Variants in FUT8 observed in about 807,000 individuals in gnomAD.
The protein encoded by FUT8 is fucosyltransferase 8, also known as alpha-(1,6)-fucosyltransferase.
FUT8 carries 29 observed loss-of-function variants against 71.3 expected under a neutral mutation model. The observed-to-expected ratio is 0.41, with a 90% CI of 0.30 to 0.55. The LOEUF is 0.55. FUT8 is among the 20% of genes least tolerant of loss of function. The pLI is 0.34. For synonymous variants in FUT8, 254 were observed against 239.3 expected (o/e 1.06, Z -0.57); for missense variants, 544 against 702.1 (o/e 0.77, Z 2.55).
At chr14:65,683,166 A>G (rs1338864331) in intron 7 of FUT8, among the ~76,000 whole-genome samples, 2 of 151,834 alleles carry the variant, frequency 1.3e-5, no homozygotes, top group Non-Finnish European at 1.5e-5. Flanking sequence ...GGCGCCCACC[A>G]TCATGCCTGG....
chr14:65,585,387 A>G (rs1231343266), intron 3 of FUT8, among the ~76,000 whole-genome samples: 1 of 152,032 alleles, frequency 6.6e-6, no homozygotes, highest in Admixed American at 6.6e-5. Context: ...GGATCTTGCC[A>G]TGTTGCTCAG....
At chr14:65,373,684 A>T in the FUT8 span, among the ~76,000 whole-genome samples, 1 of 151,966 alleles carries the variant, frequency 6.6e-6, no homozygotes, top group Non-Finnish European at 1.5e-5. Flanking sequence ...GGGTCAGGGA[A>T]CTCTCCCATT....
At position 65,741,836 on chromosome 14, in the gene FUT8, C is replaced by T. The variant is rs549130150; in HGVS notation, c.1411-257C>T. Among the ~76,000 whole-genome samples the T allele has an allele frequency of 4.6e-5, 7 of 152,008 alleles. No homozygotes were observed. The South Asian group carries it at 1.2e-3, about 27-fold the overall frequency. On this transcript the variant is annotated intron_variant, in intron 10 of 10. Transcript: ENST00000673929. ...ATTCATATTCTTAAATTCTTTTGTA[C>T]TATATAGAGATAGAGAGATTTTAAT...
At chr14:65,458,441 T>A (rs1420246300) in intron 2 of FUT8, among the ~76,000 whole-genome samples, 2 of 140,664 alleles carry the variant, frequency 1.4e-5, no homozygotes, top group African/African-American at 5.4e-5. Context: ...ATGAAAGTGA[T>A]AGAAACTGTC....
intron 2 of FUT8, among the ~76,000 whole-genome samples, chr14:65,506,870 G>T (rs974384431): frequency 3.3e-5 from 5 of 152,100 alleles, no homozygotes. Flanking sequence ...CAGCTGCCGG[G>T]GTCTGCCCAT....
chr14:65,533,436 C>G (rs1884086650), intron 2 of FUT8, among the ~76,000 whole-genome samples: 1 of 152,036 alleles, frequency 6.6e-6, no homozygotes, highest in African/African-American at 2.4e-5. Context: ...GGACTGTTTT[C>G]CTAATTTGGC....
intron 3 of FUT8, among the ~76,000 whole-genome samples, chr14:65,608,007 G>A (rs980574434): frequency 2.0e-5 from 3 of 148,924 alleles, no homozygotes; most frequent in Middle Eastern, 3.6e-3. Flanking sequence ...AGAGGTTGCA[G>A]TGAGCCGAGA....
intron 7 of FUT8, among the ~76,000 whole-genome samples, chr14:65,680,562 C>T (rs1192187999): frequency 1.3e-5 from 2 of 152,178 alleles, no homozygotes; most frequent in Non-Finnish European, 2.9e-5. Flanking sequence ...TCTATCCTTA[C>T]ACTTTAAATT....
chr14:65,714,155 C>G (rs573413456), intron 7 of FUT8, among the ~76,000 whole-genome samples: 1 of 152,140 alleles, frequency 6.6e-6, no homozygotes, highest in Non-Finnish European at 1.5e-5. Flanking sequence ...ATTCTTGGCA[C>G]CTTTGTTGAA....
At chr14:65,470,549 G>A (rs1469784737) in intron 2 of FUT8, among the ~76,000 whole-genome samples, 5 of 152,238 alleles carry the variant, frequency 3.3e-5, no homozygotes, top group Non-Finnish European at 7.4e-5. Context: ...CCGGGGCAGG[G>A]GTGACATCGC....
At chr14:65,452,928 A>G (rs1036602068) in intron 1 of FUT8, among the ~76,000 whole-genome samples, 11 of 152,200 alleles carry the variant, frequency 7.2e-5, no homozygotes, top group Admixed American at 5.2e-4. Flanking sequence ...GAACAGATAT[A>G]TAATAACTTT....
At chr14:65,394,974 C>G in the FUT8 span, among the ~76,000 whole-genome samples, 1 of 152,126 alleles carries the variant, frequency 6.6e-6, no homozygotes, top group South Asian at 2.1e-4. Flanking sequence ...GAATGCCTGA[C>G]CTCATGATCC....
chr14:65,633,148 G>C (rs1890299461), intron 6 of FUT8, among the ~76,000 whole-genome samples: 2 of 152,132 alleles, frequency 1.3e-5, no homozygotes, highest in African/African-American at 4.8e-5. Context: ...CCTGCCGAGT[G>C]CCTGCGATTG....
intron 3 of FUT8, among the ~76,000 whole-genome samples, chr14:65,563,980 G>A (rs1378174561): frequency 6.6e-6 from 1 of 152,004 alleles, no homozygotes; most frequent in African/African-American, 2.4e-5. Flanking sequence ...ATAGGCCCAT[G>A]TTTATATAAG....
intron 1 of FUT8, among the ~76,000 whole-genome samples, chr14:65,424,497 C>T (rs2065352631): frequency 6.6e-6 from 1 of 151,016 alleles, no homozygotes; most frequent in Admixed American, 6.6e-5. Context: ...ATATTTTAAG[C>T]ACTCATGACA....
intron 9 of FUT8, among the ~76,000 whole-genome samples, chr14:65,725,188 A>G (rs1895617229): frequency 6.6e-6 from 1 of 152,212 alleles, no homozygotes; most frequent in Non-Finnish European, 1.5e-5. Context: ...TAAGTTGAGG[A>G]ATAAAGACTA....
At chr14:65,633,637 G>T (rs534266380) in intron 6 of FUT8, among the ~76,000 whole-genome samples, 2 of 147,592 alleles carry the variant, frequency 1.4e-5, no homozygotes, top group African/African-American at 5.0e-5. Flanking sequence ...CCGCCGCCCC[G>T]TCTGGGATGT....
intron 2 of FUT8, among the ~76,000 whole-genome samples, chr14:65,501,899 TG>T (rs61239866): frequency 5.6e-4 from 10 of 18,004 alleles, no homozygotes; most frequent in Non-Finnish European, 1.1e-3. Flanking sequence ...GGGTCTACTT[TG>T]TCTTTTCTTT....
In FUT8 at chr14:65,572,070, A is replaced by G. The variant is rs577305061; in HGVS notation, c.203+10304A>G. ...GCCTACCAGTGTATAGGCACAGTGA[A>G]TGGCTTATAATCCTATTCATAGGAG... On this transcript the variant is annotated intron_variant, in intron 3 of 10. Coordinates refer to ENST00000673929, the MANE Select transcript of FUT8 (RefSeq NM_001371533.1). 1.1e-3 allele frequency among the ~76,000 whole-genome samples: 175 copies of G among 152,308 alleles called. 1 individual carries two copies. The highest frequency in any genetic ancestry group is 3.9e-3 in the African/African-American group (164 of 41,562).
Sources: allele counts gnomAD v4.1 joint callset (sites outside exome capture counted in the v4.1 genomes callset), GRCh38; gene constraint gnomAD v4.1.1; transcripts MANE v1.5; gene names NCBI Gene and HGNC (gene_info 2026-07-23, HGNC 2026-07-21).